CD4: variants seen among roughly 807,000 people sequenced by gnomAD.
The protein encoded by CD4 is T-cell surface glycoprotein CD4.
CD4 carries 25 observed loss-of-function variants against 50.5 expected under a neutral mutation model. The ratio of observed to expected loss-of-function variants is 0.49; its 90% CI spans 0.36 to 0.69. The LOEUF is 0.69. CD4 is among the 30% of genes least tolerant of loss of function. CD4 has a pLI of 0.00. For missense variants in CD4, 456 were observed against 548.5 expected (o/e 0.83, Z 1.68); for synonymous variants, 207 against 221.9 (o/e 0.93, Z 0.60).
intron 1 of CD4, among the ~76,000 whole-genome samples, chr12:6,794,791 T>G (rs559056148): frequency 5.7e-5 from 8 of 139,418 alleles, no homozygotes; most frequent in East Asian, 2.1e-4. Flanking sequence ...TTTTTGTTTT[T>G]TTTTTTTTTT....
At position 6,814,228 on chromosome 12, in the gene CD4, A is replaced by G; in HGVS notation, c.301A>G (p.Ile101Val). 1.2e-6 allele frequency: 2 copies of G among 1,614,126 alleles called. No homozygotes were observed. The highest frequency in any genetic ancestry group is 1.7e-6 in the Non-Finnish European group (2 of 1,179,978). Reference sequence around the variant, plus strand: ...TCCCCTGATCATCAAGAATCTTAAGATAGAAGACTCAGATACTTACATCTG... The same window carrying G: ...TCCCCTGATCATCAAGAATCTTAAGGTAGAAGACTCAGATACTTACATCTG... The part of the protein sequence containing the change: ...NFPLIIKNLK[I>V]EDSDTYICEV... Residue 101 changes from isoleucine (I) to valine (V), a missense_variant, in exon 4 of 10, where the codon ATA becomes GTA. By Grantham distance (29) the Ile-to-Val change is conservative. Coordinates refer to ENST00000011653, the MANE Select transcript of CD4 (RefSeq NM_000616.5).
At chr12:6,809,716 GC>G (rs1294625533) in intron 3 of CD4, among the ~76,000 whole-genome samples, 2 of 151,992 alleles carry the variant, frequency 1.3e-5, no homozygotes, top group African/African-American at 2.4e-5. Flanking sequence ...ATTAGACTAA[GC>G]CTAGAAGCCT....
intron 1 of CD4, among the ~76,000 whole-genome samples, chr12:6,793,330 G>T (rs944853878): frequency 1.3e-5 from 2 of 152,162 alleles, no homozygotes; most frequent in Non-Finnish European, 2.9e-5. Flanking sequence ...TCTTCCCCAG[G>T]CATCTTATCA....
intron 3 of CD4, among the ~76,000 whole-genome samples, chr12:6,812,771 T>TGTGTGTGTGTGTGTG (rs1555117197): frequency 3.5e-5 from 2 of 57,560 alleles, no homozygotes; most frequent in African/African-American, 9.6e-5. Flanking sequence ...AAGGTTATTT[T>TGTGTGTGTGTGTGTG]TGTGTGTGTG....
intron 1 of CD4, chr12:6,799,190 A>G (rs1555114797): frequency 1.3e-5 from 2 of 152,222 alleles, no homozygotes; most frequent in Non-Finnish European, 2.9e-5. Context: ...GACACACACA[A>G]ATAGCAAAGC....
At chr12:6,793,669 TA>T (rs1942246048) in intron 1 of CD4, among the ~76,000 whole-genome samples, 3 of 91,790 alleles carry the variant, frequency 3.3e-5, no homozygotes, top group Non-Finnish European at 6.4e-5. Flanking sequence ...TCTATCTATC[TA>T]TCTATCTATC....
At chr12:6,801,912 GC>G (rs1259698522) in intron 3 of CD4, among the ~76,000 whole-genome samples, 3 of 145,228 alleles carry the variant, frequency 2.1e-5, no homozygotes, top group Non-Finnish European at 4.5e-5. Flanking sequence ...TCGATCTGTT[GC>G]CCAGGCTGGA....
chr12:6,800,159 T>TA lies in CD4; in HGVS notation c.22dup (p.Arg8LysfsTer64), dbSNP rs1942496285. The TA allele has an allele frequency of 6.2e-7, 1 of 1,613,968 alleles. No individual in the cohort carries two copies. ...CCACAATGAACCGGGGAGTCCCTTT[T>TA]AGGCACTTGCTTCTGGTGCTGCAAC... On this transcript the variant is annotated frameshift_variant, in exon 2 of 10. Transcript: ENST00000011653. LOFTEE classifies it high-confidence loss of function.
chr12:6,813,221 T>A (rs28367278), intron 3 of CD4, among the ~76,000 whole-genome samples: 13 of 82,734 alleles, frequency 1.6e-4, no homozygotes, highest in East Asian at 6.8e-4. Flanking sequence ...TTAAAAAAAA[T>A]TTTTTTTTTT....
chr12:6,803,527 G>C (rs1477332023), intron 3 of CD4, among the ~76,000 whole-genome samples: 2 of 151,248 alleles, frequency 1.3e-5, no homozygotes, highest in African/African-American at 4.8e-5. Context: ...GCTCACGCCT[G>C]TAATCCCAGC....
At chr12:6,817,093 CT>C in intron 6 of CD4, 36 bp from the exon 7 acceptor site, 1 of 1,567,002 alleles carries the variant, frequency 6.4e-7, no homozygotes, top group Non-Finnish European at 8.8e-7. Context: ...TCTACTGAAT[CT>C]CAGGCCTTTG....
rs34087134 is a variant in CD4, at chr12:6,805,015, C to CAAA, written c.214+4561_214+4563dup. Among the ~76,000 whole-genome samples the CAAA allele has an allele frequency of 6.7e-3, 653 of 96,906 alleles. 14 individuals are homozygous for CAAA. The highest frequency in any genetic ancestry group is 0.024 in the African/African-American group (586 of 24,710). 63.6% of individuals were successfully genotyped at this position (96,906 alleles called of 152,430 possible). ...TGGGTGACACAGTGAGACTACGTCT[C>CAAA]AAAAAAAAAAAAAAAAAAATTAGCT... is the stretch of plus-strand genomic sequence containing the variant. On this transcript the variant is annotated intron_variant, in intron 3 of 9. Transcript: ENST00000011653.
intron 7 of CD4, among the ~76,000 whole-genome samples, 164 bp downstream of exon 7, chr12:6,817,494 T>C (rs1943111923): frequency 6.6e-6 from 1 of 151,928 alleles, no homozygotes; most frequent in Non-Finnish European, 1.5e-5. Context: ...AAAGGAGGCA[T>C]AGAAGTGATG....
intron 5 of CD4, chr12:6,815,754 G>A (rs1444468840): frequency 7.2e-7 from 1 of 1,395,696 alleles, no homozygotes; most frequent in Non-Finnish European, 9.5e-7. Flanking sequence ...CCTCTAAGGA[G>A]TGGAGGCCAA....
chr12:6,803,628 C>T (rs1440607734), intron 3 of CD4, among the ~76,000 whole-genome samples: 1 of 148,636 alleles, frequency 6.7e-6, no homozygotes, highest in Non-Finnish European at 1.5e-5. Context: ...ACTAAAAATA[C>T]CAAAAAATTA....
intron 1 of CD4, among the ~76,000 whole-genome samples, chr12:6,790,859 G>A (rs1942135911): frequency 6.6e-6 from 1 of 152,260 alleles, no homozygotes; most frequent in South Asian, 2.1e-4. Context: ...GTGGGATAGT[G>A]CTTCCTGAAT....
At chr12:6,808,952 C>T (rs1223080910) in intron 3 of CD4, among the ~76,000 whole-genome samples, 4 of 152,138 alleles carry the variant, frequency 2.6e-5, no homozygotes, top group Admixed American at 6.5e-5. Flanking sequence ...ATTTCTTTCA[C>T]TGCCTATGAG....
intron 3 of CD4, among the ~76,000 whole-genome samples, chr12:6,813,368 A>G (rs1942995400): frequency 6.6e-6 from 1 of 150,960 alleles, no homozygotes; most frequent in African/African-American, 2.4e-5. Context: ...TTTCTTTTTT[A>G]ATTTTTTTTT....
intron 1 of CD4, among the ~76,000 whole-genome samples, chr12:6,791,742 C>T (rs1457951560): frequency 1.3e-5 from 2 of 152,120 alleles, no homozygotes; most frequent in Non-Finnish European, 2.9e-5. Flanking sequence ...GTTAGCTGGG[C>T]ATGGTAGTGT....
Sources: gnomAD v4.1 joint callset for allele counts (sites outside exome capture counted in the v4.1 genomes callset) on GRCh38, gnomAD v4.1.1 for gene constraint, MANE v1.5 for transcripts, NCBI Gene and HGNC (gene_info 2026-07-23, HGNC 2026-07-21) for gene names.